Variants in LOC128092253 observed in about 807,000 individuals in gnomAD.
chr6:133,976,926 T>G, the LOC128092253 span, among the ~76,000 whole-genome samples: 132 of 145,014 alleles, frequency 9.1e-4, no homozygotes, highest in African/African-American at 3.2e-3. Context: ...CAAGATCGCG[T>G]CACAGCCCTC....
the LOC128092253 span, among the ~76,000 whole-genome samples, chr6:133,968,112 C>G: frequency 2.0e-5 from 3 of 151,878 alleles, no homozygotes; most frequent in Non-Finnish European, 1.5e-5. Context: ...TCAGCCTCCC[C>G]CAAGTAGCTG....
the LOC128092253 span, among the ~76,000 whole-genome samples, chr6:133,964,716 G>A: frequency 6.6e-6 from 1 of 152,192 alleles, no homozygotes; most frequent in Admixed American, 6.5e-5. Context: ...CCAAAGTGCT[G>A]GGATTACAGG....
chr6:133,966,841 C>T, the LOC128092253 span, among the ~76,000 whole-genome samples: 3 of 152,282 alleles, frequency 2.0e-5, no homozygotes, highest in East Asian at 1.9e-4. Flanking sequence ...CACTGTGGTC[C>T]GTCCTGTCAT....
the LOC128092253 span, among the ~76,000 whole-genome samples, chr6:133,968,178 G>A: frequency 2.6e-5 from 4 of 151,982 alleles, no homozygotes; most frequent in South Asian, 2.1e-4. Context: ...TAGTAGGGAC[G>A]GGGTTTCACC....
At chr6:133,966,615 T>C in the LOC128092253 span, among the ~76,000 whole-genome samples, 1 of 152,196 alleles carries the variant, frequency 6.6e-6, no homozygotes, top group Non-Finnish European at 1.5e-5. Context: ...CAAAACCGAA[T>C]TGTTAACCCC....
the LOC128092253 span, among the ~76,000 whole-genome samples, chr6:133,976,053 G>T: frequency 6.6e-6 from 1 of 152,114 alleles, no homozygotes; most frequent in African/African-American, 2.4e-5. Flanking sequence ...AAAAAATCAT[G>T]TATAAACCAC....
chr6:133,958,854 TTTTG>T, the LOC128092253 span, among the ~76,000 whole-genome samples: 1 of 152,154 alleles, frequency 6.6e-6, no homozygotes, highest in Admixed American at 6.5e-5. Flanking sequence ...GTTGTGCTGG[TTTTG>T]TTTATTTGTT....
the LOC128092253 span, among the ~76,000 whole-genome samples, chr6:133,965,594 T>C: frequency 6.6e-6 from 1 of 151,982 alleles, no homozygotes; most frequent in Non-Finnish European, 1.5e-5. Flanking sequence ...GGTTTTGTTA[T>C]TGTTGGAGTT....
the LOC128092253 span, among the ~76,000 whole-genome samples, chr6:133,962,676 A>G: frequency 6.6e-6 from 1 of 152,254 alleles, no homozygotes. Flanking sequence ...CCATAAGCTC[A>G]TAGATAGCAA....
At chr6:133,973,511 T>A in the LOC128092253 span, among the ~76,000 whole-genome samples, 1 of 152,230 alleles carries the variant, frequency 6.6e-6, no homozygotes, top group Non-Finnish European at 1.5e-5. Flanking sequence ...TAAATATCTT[T>A]CCTGGTGTGG....
At chr6:133,967,708 C>T in the LOC128092253 span, among the ~76,000 whole-genome samples, 3,899 of 152,218 alleles carry the variant, frequency 0.026, 77 homozygotes, top group African/African-American at 0.052. Context: ...AGTAGAACTA[C>T]GGTATTATAA....
the LOC128092253 span, among the ~76,000 whole-genome samples, chr6:133,962,606 ATAGATGAT>A: frequency 6.6e-6 from 1 of 152,356 alleles, no homozygotes; most frequent in East Asian, 1.9e-4. Context: ...GATATGCCTA[ATAGATGAT>A]TGGGAATATG....
At chr6:133,975,877 G>A in the LOC128092253 span, among the ~76,000 whole-genome samples, 8 of 152,262 alleles carry the variant, frequency 5.3e-5, no homozygotes, top group Admixed American at 1.3e-4. Flanking sequence ...TGATAGGTAC[G>A]TAGATGTTCA....
the LOC128092253 span, among the ~76,000 whole-genome samples, chr6:133,967,003 C>G: frequency 6.6e-6 from 1 of 152,150 alleles, no homozygotes; most frequent in Non-Finnish European, 1.5e-5. Flanking sequence ...CATGAAAATT[C>G]TGAACGTGGC....
At chr6:133,965,536 C>T in the LOC128092253 span, among the ~76,000 whole-genome samples, 3 of 151,848 alleles carry the variant, frequency 2.0e-5, no homozygotes, top group Non-Finnish European at 4.4e-5. Flanking sequence ...CCCCTCAGCA[C>T]CACCAAAAAA....
At chr6:133,972,611 T>G in the LOC128092253 span, among the ~76,000 whole-genome samples, 7 of 152,160 alleles carry the variant, frequency 4.6e-5, no homozygotes, top group Non-Finnish European at 8.8e-5. Context: ...CAATAAAACT[T>G]TTGCAAAACA....
At chr6:133,961,543 A>T in the LOC128092253 span, among the ~76,000 whole-genome samples, 2 of 137,416 alleles carry the variant, frequency 1.5e-5, no homozygotes, top group Non-Finnish European at 3.0e-5. Flanking sequence ...ATCTCGGCTC[A>T]TTGCAACCTC....
At chr6:133,973,177 A>C in the LOC128092253 span, among the ~76,000 whole-genome samples, 2 of 152,214 alleles carry the variant, frequency 1.3e-5, no homozygotes, top group African/African-American at 4.8e-5. Context: ...TTTATAAAGG[A>C]TGTGAGGTTA....
chr6:133,961,911 C>T, the LOC128092253 span, among the ~76,000 whole-genome samples: 3 of 151,980 alleles, frequency 2.0e-5, no homozygotes, highest in African/African-American at 7.3e-5. Context: ...CTTTTTCTTC[C>T]ACTGAAATAC....
Sources: allele counts gnomAD v4.1 joint callset (sites outside exome capture counted in the v4.1 genomes callset), GRCh38; gene constraint gnomAD v4.1.1; transcripts MANE v1.5.